Variants in KATNIP observed in about 807,000 individuals in gnomAD.
KATNIP encodes the protein katanin-interacting protein.
In KATNIP, 126 loss-of-function variants were observed where a neutral mutation model predicts 174.0. The observed-to-expected ratio is 0.72, with a 90% CI of 0.63 to 0.84. The LOEUF (loss-of-function observed/expected upper bound fraction) is 0.84, where lower values mean the gene tolerates loss of function less well. Among genes scored for constraint, KATNIP ranks in the 40% least tolerant of loss-of-function variants. The pLI, the probability that KATNIP is intolerant of heterozygous loss-of-function variation, is 0.00. For synonymous variants in KATNIP, 810 were observed against 835.7 expected, an observed-to-expected ratio of 0.97 and a Z score of 0.53; for missense variants, 1,958 against 2,109.7, an observed-to-expected ratio of 0.93 and a Z score of 1.41.
intron 5 of KATNIP, among the ~76,000 whole-genome samples, chr16:27,642,901 C>G (rs1243083043): frequency 6.6e-6 from 1 of 152,022 alleles, no homozygotes; most frequent in Non-Finnish European, 1.5e-5. Flanking sequence ...AGCCACCACA[C>G]CCAGCCCAGG....
Position 27,618,342 on chromosome 16 carries a change from T to C in KATNIP, c.64-83T>C, listed in dbSNP as rs2076099125. The stretch of plus-strand genomic sequence containing the variant: ...GGTCAGCCTCCGCCTCTCAGCCTGC[T>C]GCGCCGGTGTGTGCTGCACCTGCAC... On this transcript the variant is annotated intron_variant, in intron 2 of 27. Transcript: ENST00000261588. 4.0e-5 allele frequency: 44 copies of C among 1,096,904 alleles called. No individual in the cohort carries two copies. In the South Asian group the frequency reaches 5.6e-4, roughly 14 times the overall value. The allele number at this position is 1,096,904 out of a possible 1,614,324, so 67.9% of individuals were successfully genotyped here. A position where few individuals can be genotyped will look rare whatever the true frequency, so the allele number is the denominator to read the frequency against.
chr16:27,700,280 A>G (rs1433327622), intron 10 of KATNIP, among the ~76,000 whole-genome samples: 2 of 152,178 alleles, frequency 1.3e-5, no homozygotes, highest in African/African-American at 2.4e-5. Context: ...AAATTTTTTT[A>G]TCTGTATCTA....
chr16:27,765,381 G>C (rs1044260020), intron 19 of KATNIP, among the ~76,000 whole-genome samples: 3 of 152,234 alleles, frequency 2.0e-5, no homozygotes, highest in Non-Finnish European at 2.9e-5. Flanking sequence ...GCCAGGACAG[G>C]AGTGCGATAG....
At chr16:27,737,443 C>T (rs2080938669) in intron 14 of KATNIP, among the ~76,000 whole-genome samples, 1 of 151,908 alleles carries the variant, frequency 6.6e-6, no homozygotes, top group South Asian at 2.1e-4. Flanking sequence ...TGTTAGATAT[C>T]CAGGAAGAGA....
At chr16:27,698,283 C>A in intron 8 of KATNIP, 45 bp from the exon 9 acceptor site, 1 of 1,563,564 alleles carries the variant, frequency 6.4e-7, no homozygotes, top group Non-Finnish European at 8.7e-7. Flanking sequence ...AGCTGCACTC[C>A]GAGAATATAA....
rs1475720983 is a variant in KATNIP at position 27,573,889 on chromosome 16, GAA to G, written c.8-11_8-10del. Reference sequence around the variant, plus strand: ...CAGCCTTAATCTTGGTTCTGCTTTTGAACTGCGACAGGTCAGACTCTGCGAAA... The same window carrying G: ...CAGCCTTAATCTTGGTTCTGCTTTTGCTGCGACAGGTCAGACTCTGCGAAA... On this transcript the variant is annotated splice_polypyrimidine_tract_variant and intron_variant, in intron 1 of 27. Transcript: ENST00000261588. 1 of 1,613,944 alleles carries G rather than the reference GAA, an allele frequency of 6.2e-7. No individual in the cohort carries two copies. The highest frequency in any genetic ancestry group is 1.3e-5 in the African/African-American group (1 of 74,908).
At chr16:27,647,785 G>GT in intron 5 of KATNIP, among the ~76,000 whole-genome samples, 1 of 152,244 alleles carries the variant, frequency 6.6e-6, no homozygotes, top group Middle Eastern at 3.4e-3. Flanking sequence ...GATTACAGGT[G>GT]TGAGGCACCA....
chr16:27,668,629 C>G, intron 6 of KATNIP, among the ~76,000 whole-genome samples: 1 of 152,212 alleles, frequency 6.6e-6, no homozygotes, highest in South Asian at 2.1e-4. Context: ...CCATTACTGG[C>G]CATGTGACCT....
intron 2 of KATNIP, among the ~76,000 whole-genome samples, chr16:27,617,806 C>T (rs2076084361): frequency 6.6e-6 from 1 of 152,186 alleles, no homozygotes; most frequent in Non-Finnish European, 1.5e-5. Context: ...GCAGTCATGG[C>T]TCACTGCAGC....
At chr16:27,765,084 C>T (rs2144093528) in intron 19 of KATNIP, among the ~76,000 whole-genome samples, 1 of 152,274 alleles carries the variant, frequency 6.6e-6, no homozygotes, top group South Asian at 2.1e-4. Flanking sequence ...CCCAGTACAG[C>T]AGCTGTGAGG....
chr16:27,695,055 T>C (rs1309406535), intron 8 of KATNIP, among the ~76,000 whole-genome samples: 1 of 152,146 alleles, frequency 6.6e-6, no homozygotes, highest in African/African-American at 2.4e-5. Flanking sequence ...TCTCTTCCTA[T>C]CCCATCCACA....
intron 1 of KATNIP, among the ~76,000 whole-genome samples, chr16:27,557,830 G>T (rs1327788491): frequency 6.6e-6 from 1 of 152,188 alleles, no homozygotes. Context: ...TTTTGAATTA[G>T]TTGTCAACAT....
At chr16:27,661,963 CATATATATATATATATATATAT>C in intron 6 of KATNIP, among the ~76,000 whole-genome samples, 1 of 6,752 alleles carries the variant, frequency 1.5e-4, no homozygotes, top group Non-Finnish European at 2.6e-4. Context: ...TATACACATA[CATATATATATATATATATATAT>C]ACACATACAT....
chr16:27,724,835 A>G (rs2080382486), intron 14 of KATNIP, among the ~76,000 whole-genome samples: 2 of 152,220 alleles, frequency 1.3e-5, no homozygotes, highest in African/African-American at 4.8e-5. Context: ...TGTTTTGTGT[A>G]TGGGAATCTG....
intron 8 of KATNIP, chr16:27,687,130 C>T (rs1474258842): frequency 2.0e-5 from 3 of 152,228 alleles, no homozygotes; most frequent in Non-Finnish European, 4.4e-5. Context: ...CTGTTGCCAG[C>T]TCTGCTCAGC....
chr16:27,671,166 C>T (rs1200569793), intron 6 of KATNIP, among the ~76,000 whole-genome samples: 1 of 152,134 alleles, frequency 6.6e-6, no homozygotes, highest in African/African-American at 2.4e-5. Flanking sequence ...GCACTCCAGC[C>T]TGGGCGACAG....
intron 1 of KATNIP, among the ~76,000 whole-genome samples, chr16:27,558,313 T>G (rs747513108): frequency 6.6e-6 from 1 of 152,118 alleles, no homozygotes; most frequent in Non-Finnish European, 1.5e-5. Context: ...ACCTGGCTAA[T>G]TTTTGTATTT....
intron 5 of KATNIP, among the ~76,000 whole-genome samples, chr16:27,640,499 G>A (rs1356557381): frequency 6.6e-6 from 1 of 152,116 alleles, no homozygotes; most frequent in Non-Finnish European, 1.5e-5. Flanking sequence ...GAGCCTCCCT[G>A]GGGCTGGGGG....
In KATNIP at chr16:27,751,800, T is replaced by G. The variant is rs772034184; in HGVS notation, c.3428T>G (p.Phe1143Cys). 3 of 1,614,232 alleles carry G rather than the reference T, an allele frequency of 1.9e-6. No individual in the cohort carries two copies. Among genetic ancestry groups the G allele is most frequent in the Non-Finnish European group, 2.5e-6 (3 of 1,180,048 alleles). ...LEAIFYSDEMFDLDVGSLDSL... is the reference protein window; with the variant it reads ...LEAIFYSDEMCDLDVGSLDSL... ...GCCATATTCTATTCTGATGAGATGTTTGACCTGGATGTGGGGAGCCTGGAC... is the reference window on the plus strand; with the variant it reads ...GCCATATTCTATTCTGATGAGATGTGTGACCTGGATGTGGGGAGCCTGGAC... The change falls in exon 17 of 28, where the codon TTT (phenylalanine) becomes TGT (cysteine). Residue 1143 changes from phenylalanine to cysteine, a missense_variant. Phe to Cys is a radical substitution (Grantham distance 205). This residue lies in a region of KATNIP where 1,557 missense variants were observed against 1,617.8 expected (regional missense o/e 0.96). Coordinates refer to ENST00000261588, the MANE Select transcript of KATNIP (RefSeq NM_015202.5).
Sources: allele counts gnomAD v4.1 joint callset (sites outside exome capture counted in the v4.1 genomes callset), GRCh38; gene constraint gnomAD v4.1.1; regional missense constraint gnomAD v4.1.1; transcripts MANE v1.5; gene names NCBI Gene and HGNC (gene_info 2026-07-23, HGNC 2026-07-21).